MLLT10: variants seen among roughly 807,000 people sequenced by gnomAD.
MLLT10 encodes the protein MLLT10 histone lysine methyltransferase DOT1L cofactor, also known as protein AF-10.
MLLT10 carries 30 observed loss-of-function variants against 129.1 expected under a neutral mutation model. The ratio of observed to expected loss-of-function variants is 0.23; its 90% CI spans 0.17 to 0.32. The LOEUF (loss-of-function observed/expected upper bound fraction) is 0.32, where lower values mean the gene tolerates loss of function less well. Ranked by LOEUF, MLLT10 falls within the 10% of genes least tolerant of loss-of-function variation. MLLT10 has a pLI of 1.00. For synonymous variants in MLLT10, 490 were observed against 446.4 expected, an observed-to-expected ratio of 1.10 and a Z score of -1.23; for missense variants, 1,119 against 1,268.3, an observed-to-expected ratio of 0.88 and a Z score of 1.79.
intron 13 of MLLT10, among the ~76,000 whole-genome samples, chr10:21,694,837 G>A (rs190401021): frequency 4.1e-4 from 62 of 152,168 alleles, no homozygotes; most frequent in African/African-American, 1.4e-3. Context: ...TTAGTGTCTT[G>A]CAAGGCTGAA....
At chr10:21,563,248 G>A (rs943601518) in intron 3 of MLLT10, among the ~76,000 whole-genome samples, 10 of 152,120 alleles carry the variant, frequency 6.6e-5, no homozygotes, top group South Asian at 4.1e-4. Context: ...CTGGAGGCCC[G>A]GCGCGTGGCT....
intron 3 of MLLT10, among the ~76,000 whole-genome samples, chr10:21,571,616 A>AT (rs2040213624): frequency 6.6e-6 from 1 of 152,206 alleles, no homozygotes; most frequent in Non-Finnish European, 1.5e-5. Flanking sequence ...CAAGGAGGCT[A>AT]TATCTGGTCC....
In MLLT10 at chr10:21,717,819, T is replaced by TCTCCTCCTTCTC. The variant is rs1164969694; in HGVS notation, c.1878+3938_1878+3949dup. On this transcript the variant is annotated intron_variant, in intron 14 of 22. Transcript: ENST00000307729. ...TTCTTCTCCTTCTTCTTCTCCTTCT[T>TCTCCTCCTTCTC]CTCCTCCTTCTCCTCCTCCTTCTCC... is the stretch of plus-strand genomic sequence containing the variant. Among the ~76,000 whole-genome samples the TCTCCTCCTTCTC allele has an allele frequency of 3.5e-4, 38 of 107,216 alleles. 1 individual carries two copies. Among genetic ancestry groups the TCTCCTCCTTCTC allele is most frequent in the Admixed American group, 6.5e-4 (7 of 10,798 alleles). 70.3% of individuals were successfully genotyped at this position (107,216 alleles called of 152,430 possible).
chr10:21,651,379 G>A (rs1000158698), intron 8 of MLLT10, among the ~76,000 whole-genome samples: 1 of 152,018 alleles, frequency 6.6e-6, no homozygotes, highest in Admixed American at 6.6e-5. Flanking sequence ...CGTATTTGGT[G>A]TTTTTAAGGA....
chr10:21,611,587 A>G lies in MLLT10; in HGVS notation c.406-761A>G, dbSNP rs1173410179. 2.0e-5 allele frequency among the ~76,000 whole-genome samples: 3 copies of G among 152,138 alleles called. No homozygotes were observed. The East Asian group carries it at 5.8e-4, about 29-fold the overall frequency. On this transcript the variant is annotated intron_variant, in intron 5 of 22. Transcript: ENST00000307729. ...AGTCTGCTGATTTTATTCATTATAC[A>G]CCGATACTTACAGATTGTTGTTTTT...
intron 8 of MLLT10, among the ~76,000 whole-genome samples, chr10:21,642,378 C>A (rs193143229): frequency 2.7e-5 from 4 of 150,364 alleles, no homozygotes; most frequent in Non-Finnish European, 5.9e-5. Context: ...AAGAAGTAGC[C>A]GGGCGCGGTG....
chr10:21,562,805 CTTTGTTTTT>C (rs1303070637), intron 3 of MLLT10, among the ~76,000 whole-genome samples: 13 of 112,310 alleles, frequency 1.2e-4, no homozygotes, highest in South Asian at 1.1e-3. Context: ...CTTACATATA[CTTTGTTTTT>C]TTTGTTTTTT....
intron 13 of MLLT10, among the ~76,000 whole-genome samples, chr10:21,712,419 C>T (rs2056191275): frequency 6.6e-6 from 1 of 152,042 alleles, no homozygotes; most frequent in East Asian, 1.9e-4. Context: ...CCTTTGTTGT[C>T]CAGGCTATGT....
At chr10:21,629,059 C>G (rs1191363029) in intron 8 of MLLT10, among the ~76,000 whole-genome samples, 3 of 151,626 alleles carry the variant, frequency 2.0e-5, no homozygotes, top group African/African-American at 7.3e-5. Flanking sequence ...AGGATATTCT[C>G]TAAGATGACT....
At chr10:21,737,861 T>G (rs931804275) in intron 21 of MLLT10, among the ~76,000 whole-genome samples, 1 of 152,190 alleles carries the variant, frequency 6.6e-6, no homozygotes, top group Non-Finnish European at 1.5e-5. Context: ...CTAAGTATAT[T>G]TATGTACTAT....
At chr10:21,553,377 G>A (rs2037393838) in intron 3 of MLLT10, among the ~76,000 whole-genome samples, 1 of 150,582 alleles carries the variant, frequency 6.6e-6, no homozygotes, top group South Asian at 2.1e-4. Context: ...CTGGGCTGGA[G>A]TGCAGTGGTG....
intron 5 of MLLT10, among the ~76,000 whole-genome samples, chr10:21,603,822 T>A (rs1182691996): frequency 7.1e-6 from 1 of 140,280 alleles, no homozygotes. Flanking sequence ...AGTTTTTGTT[T>A]TTTTGTTTTT....
intron 5 of MLLT10, among the ~76,000 whole-genome samples, chr10:21,597,187 ACTT>A (rs2043103081): frequency 6.6e-6 from 1 of 152,162 alleles, no homozygotes; most frequent in Non-Finnish European, 1.5e-5. Flanking sequence ...ACCCCTGAAT[ACTT>A]CAGAGTTTCC....
intron 9 of MLLT10, among the ~76,000 whole-genome samples, chr10:21,652,922 A>G (rs1389763920): frequency 6.6e-6 from 1 of 152,212 alleles, no homozygotes; most frequent in Non-Finnish European, 1.5e-5. Context: ...CAGATAAGTT[A>G]GAGGCATATG....
chr10:21,707,607 A>G (rs1258276373), intron 13 of MLLT10, among the ~76,000 whole-genome samples: 1 of 151,612 alleles, frequency 6.6e-6, no homozygotes, highest in African/African-American at 2.4e-5. Context: ...ATAGCCTCCT[A>G]AAAAAAAATC....
chr10:21,668,863 A>T (rs2051109555), intron 9 of MLLT10: 26 of 1,120,252 alleles, frequency 2.3e-5, no homozygotes, highest in Non-Finnish European at 2.9e-5. Flanking sequence ...GAGCAAAAAT[A>T]CATGAGTGAA....
chr10:21,649,082 A>C (rs1448528917), intron 8 of MLLT10, among the ~76,000 whole-genome samples: 1 of 152,092 alleles, frequency 6.6e-6, no homozygotes, highest in East Asian at 1.9e-4. Context: ...TTGTTATTTT[A>C]GTTTTTTTAA....
intron 3 of MLLT10, among the ~76,000 whole-genome samples, chr10:21,566,324 C>G (rs2039551034): frequency 6.7e-6 from 1 of 149,598 alleles, no homozygotes; most frequent in Non-Finnish European, 1.5e-5. Flanking sequence ...TTGTCAGACT[C>G]CCCCCCACCC....
intron 3 of MLLT10, among the ~76,000 whole-genome samples, chr10:21,558,016 C>A (rs2038286698): frequency 8.0e-6 from 1 of 125,636 alleles, no homozygotes; most frequent in Admixed American, 1.1e-4. Context: ...GTGGTGCGAT[C>A]TGGGCTCACT....
Sources: allele counts gnomAD v4.1 joint callset (sites outside exome capture counted in the v4.1 genomes callset), GRCh38; gene constraint gnomAD v4.1.1; transcripts MANE v1.5; gene names NCBI Gene and HGNC (gene_info 2026-07-23, HGNC 2026-07-21).